Variants in DLG2 observed in about 807,000 individuals in gnomAD.
DLG2 encodes discs large MAGUK scaffold protein 2.
DLG2 carries 45 observed loss-of-function variants against 132.5 expected under a neutral mutation model. That is an observed-to-expected ratio of 0.34 (90% CI 0.27 to 0.44). DLG2 has a LOEUF of 0.44. DLG2 is among the 20% of genes least tolerant of loss of function. DLG2 has a pLI of 1.00. For missense variants in DLG2, 1,045 were observed against 1,196.9 expected (o/e 0.87, Z 1.87); for synonymous variants, 424 against 419.6 (o/e 1.01, Z -0.13).
chr11:84,288,244 G>A (rs2097937290), intron 7 of DLG2, among the ~76,000 whole-genome samples: 1 of 151,832 alleles, frequency 6.6e-6, no homozygotes, highest in South Asian at 2.1e-4. Context: ...TAGGATTATT[G>A]TCAGGATTAA....
At chr11:84,665,804 G>C (rs546879541) in intron 6 of DLG2, among the ~76,000 whole-genome samples, 1 of 152,184 alleles carries the variant, frequency 6.6e-6, no homozygotes, top group East Asian at 1.9e-4. Context: ...TTGATACCTA[G>C]TCAATGATCA....
At chr11:83,524,578 C>A (rs1301779028) in intron 21 of DLG2, among the ~76,000 whole-genome samples, 1 of 152,158 alleles carries the variant, frequency 6.6e-6, no homozygotes, top group Non-Finnish European at 1.5e-5. Flanking sequence ...TTTCACACCA[C>A]AGCAAAATGA....
chr11:83,912,036 G>T (rs891440685), intron 15 of DLG2, among the ~76,000 whole-genome samples: 3 of 151,806 alleles, frequency 2.0e-5, no homozygotes, highest in Non-Finnish European at 4.4e-5. Context: ...AGCAAAAATG[G>T]CAATCATATT....
chr11:84,439,884 G>C lies in DLG2; in HGVS notation c.519+94686C>G, dbSNP rs556067709. 3.3e-5 allele frequency among the ~76,000 whole-genome samples: 5 copies of C among 152,304 alleles called. No homozygotes were observed. In the South Asian group the frequency reaches 8.3e-4, roughly 25 times the overall value. On this transcript the variant is annotated intron_variant, in intron 7 of 27. Transcript: ENST00000376104. ...ACAGAATCAGACAATAAAGAGGTGA[G>C]ACAAAATGCCTTGAACTTTCAAACC...
chr11:85,233,928 T>C (rs2075439984), intron 4 of DLG2, among the ~76,000 whole-genome samples: 1 of 151,864 alleles, frequency 6.6e-6, no homozygotes, highest in Non-Finnish European at 1.5e-5. Flanking sequence ...CTGAGAAATA[T>C]TAGCTTGGCA....
At chr11:83,723,413 CA>C (rs2089213946) in intron 18 of DLG2, among the ~76,000 whole-genome samples, 1 of 151,908 alleles carries the variant, frequency 6.6e-6, no homozygotes, top group Admixed American at 6.6e-5. Flanking sequence ...AAATTGAAAA[CA>C]ACAAAACAAC....
intron 15 of DLG2, among the ~76,000 whole-genome samples, chr11:83,877,252 CTTTG>C (rs1357972770): frequency 6.6e-6 from 1 of 152,048 alleles, no homozygotes; most frequent in Non-Finnish European, 1.5e-5. Context: ...ATGAGCATTT[CTTTG>C]TTTATTAGTG....
chr11:83,720,471 A>G (rs1191059408), intron 18 of DLG2, among the ~76,000 whole-genome samples: 1 of 151,986 alleles, frequency 6.6e-6, no homozygotes, highest in African/African-American at 2.4e-5. Flanking sequence ...GGGAAATAAT[A>G]ATTACAACCT....
At chr11:84,635,185 C>G (rs987286407) in intron 6 of DLG2, among the ~76,000 whole-genome samples, 2 of 152,230 alleles carry the variant, frequency 1.3e-5, no homozygotes, top group Admixed American at 6.5e-5. Context: ...TATTTGCCCT[C>G]AAAAGCCACA....
At chr11:83,552,177 T>C (rs1274206557) in intron 19 of DLG2, among the ~76,000 whole-genome samples, 1 of 152,134 alleles carries the variant, frequency 6.6e-6, no homozygotes, top group Non-Finnish European at 1.5e-5. Flanking sequence ...TGATTGTTGC[T>C]ATGGAAAAAG....
intron 4 of DLG2, among the ~76,000 whole-genome samples, chr11:85,251,539 C>A (rs2076396076): frequency 2.6e-5 from 4 of 151,762 alleles, no homozygotes; most frequent in Admixed American, 2.6e-4. Flanking sequence ...CTTAAAACAC[C>A]CTAAAATTTC....
chr11:84,645,380 A>G (rs750277942), intron 6 of DLG2, among the ~76,000 whole-genome samples: 1 of 152,232 alleles, frequency 6.6e-6, no homozygotes, highest in Non-Finnish European at 1.5e-5. Context: ...TGAGGAGCAG[A>G]TTGTAGATCA....
Position 84,797,142 on chromosome 11 carries a change from C to T in DLG2, c.358-262411G>A, listed in dbSNP as rs552651045. Among the ~76,000 whole-genome samples, 12 of 152,204 alleles carry T rather than the reference C, an allele frequency of 7.9e-5. No individual in the cohort carries two copies. In the South Asian group the frequency reaches 2.1e-3, roughly 26 times the overall value. ...GATTACAGGCGTGAGCCACCATGCC[C>T]GGCCTATGATTTTTTATTTATCCTT... On this transcript the variant is annotated intron_variant, in intron 6 of 27. Transcript: ENST00000376104.
chr11:83,767,554 G>C (rs574395405), intron 18 of DLG2, among the ~76,000 whole-genome samples: 9 of 152,308 alleles, frequency 5.9e-5, no homozygotes, highest in Admixed American at 4.6e-4. Flanking sequence ...AGCCAGACCA[G>C]AATTTTAATC....
chr11:84,320,175 G>C (rs561335616), intron 7 of DLG2, among the ~76,000 whole-genome samples: 1 of 152,178 alleles, frequency 6.6e-6, no homozygotes, highest in Non-Finnish European at 1.5e-5. Context: ...ACAGAGCAAT[G>C]CCTAGATGAG....
chr11:83,559,940 C>A (rs113747050), intron 19 of DLG2, among the ~76,000 whole-genome samples: 1,532 of 152,138 alleles, frequency 0.01, 21 homozygotes, highest in African/African-American at 0.035. Flanking sequence ...AAGAGCCTAC[C>A]CTGATGCTTC....
chr11:84,030,605 C>T (rs1421114433), intron 11 of DLG2, among the ~76,000 whole-genome samples: 1 of 152,108 alleles, frequency 6.6e-6, no homozygotes, highest in Non-Finnish European at 1.5e-5. Context: ...GGGATGCATT[C>T]TCCTCAACCC....
At chr11:84,529,069 T>C (rs548678653) in intron 7 of DLG2, among the ~76,000 whole-genome samples, 9 of 152,284 alleles carry the variant, frequency 5.9e-5, no homozygotes, top group South Asian at 4.1e-4. Context: ...ACTTTTTTTT[T>C]CCCCTAGAAA....
At chr11:84,815,137 T>C (rs2076962683) in intron 6 of DLG2, among the ~76,000 whole-genome samples, 3 of 152,094 alleles carry the variant, frequency 2.0e-5, no homozygotes, top group South Asian at 2.1e-4. Context: ...GTTCACAAAG[T>C]CACTCAACTC....
Sources: allele counts gnomAD v4.1 joint callset (sites outside exome capture counted in the v4.1 genomes callset), GRCh38; gene constraint gnomAD v4.1.1; transcripts MANE v1.5; gene names NCBI Gene and HGNC (gene_info 2026-07-23, HGNC 2026-07-21).